Variants in WBP1L observed in about 807,000 individuals in gnomAD.
The protein encoded by WBP1L is WW domain binding protein 1-like.
In WBP1L, 17 loss-of-function variants were observed where a neutral mutation model predicts 33.7. That is an observed-to-expected ratio of 0.50 (90% CI 0.34 to 0.76). The LOEUF (loss-of-function observed/expected upper bound fraction) is 0.76, where lower values mean the gene tolerates loss of function less well. WBP1L is among the 30% of genes least tolerant of loss of function. The pLI, the probability that WBP1L is intolerant of heterozygous loss-of-function variation, is 0.01. For missense variants in WBP1L, 389 were observed against 469.4 expected (o/e 0.83, Z 1.58); for synonymous variants, 173 against 190.8 (o/e 0.91, Z 0.77).
intron 2 of WBP1L, among the ~76,000 whole-genome samples, chr10:102,801,547 A>C (rs1433944994): frequency 6.6e-6 from 1 of 152,064 alleles, no homozygotes; most frequent in Non-Finnish European, 1.5e-5. Flanking sequence ...CGGGGAGGGG[A>C]TAGGATGTGC....
intron 1 of WBP1L, among the ~76,000 whole-genome samples, chr10:102,751,258 T>G (rs980784239): frequency 1.3e-5 from 2 of 151,908 alleles, no homozygotes; most frequent in Admixed American, 6.6e-5. Flanking sequence ...CGACTTGGCC[T>G]CCCAAAGTGC....
intron 1 of WBP1L, among the ~76,000 whole-genome samples, chr10:102,790,883 A>G (rs765538741): frequency 1.3e-5 from 2 of 152,174 alleles, no homozygotes; most frequent in Admixed American, 6.5e-5. Flanking sequence ...TATTTCTGCC[A>G]GATGTTGCAG....
At position 102,809,816 on chromosome 10, in the gene WBP1L, A is replaced by G. The variant is rs542491667; in HGVS notation, c.194-77A>G. ...TCAACCACGTGGGCACCGTCCAGGGACCTCCCTGTTCCGCAAGCTGCCCCT... is the reference window on the plus strand; with the variant it reads ...TCAACCACGTGGGCACCGTCCAGGGGCCTCCCTGTTCCGCAAGCTGCCCCT... On this transcript the variant is annotated intron_variant, in intron 2 of 3. Transcript: ENST00000448841. 225 of 1,510,090 alleles carry G rather than the reference A, an allele frequency of 1.5e-4. 2 individuals carry two copies. The South Asian group carries it at 2.7e-3, about 18-fold the overall frequency. The allele number at this position is 1,510,090 out of a possible 1,614,324, so 93.5% of individuals were successfully genotyped here.
intron 1 of WBP1L, among the ~76,000 whole-genome samples, chr10:102,759,003 A>G (rs912928869): frequency 6.6e-6 from 1 of 152,192 alleles, no homozygotes; most frequent in African/African-American, 2.4e-5. Context: ...CGGGAGGAGC[A>G]TGAAAGTGGA....
intron 1 of WBP1L, among the ~76,000 whole-genome samples, chr10:102,773,759 C>T (rs937073861): frequency 2.0e-5 from 3 of 151,266 alleles, no homozygotes; most frequent in Admixed American, 1.3e-4. Context: ...AGTGTGGTGG[C>T]GTGGTGGCGT....
chr10:102,804,493 G>T (rs1194247302), intron 2 of WBP1L, among the ~76,000 whole-genome samples: 1 of 149,296 alleles, frequency 6.7e-6, no homozygotes, highest in Non-Finnish European at 1.5e-5. Flanking sequence ...AAAATCTGAT[G>T]AACACTTTAA....
intron 1 of WBP1L, among the ~76,000 whole-genome samples, chr10:102,780,585 G>T (rs1473005428): frequency 6.6e-6 from 1 of 152,240 alleles, no homozygotes; most frequent in Non-Finnish European, 1.5e-5. Context: ...CCCAAAGCAT[G>T]TTGTGGATAC....
At chr10:102,748,980 C>T (rs1014819032) in intron 1 of WBP1L, among the ~76,000 whole-genome samples, 1 of 152,192 alleles carries the variant, frequency 6.6e-6, no homozygotes, top group African/African-American at 2.4e-5. Context: ...GACATGTACT[C>T]TGTGGCAGAA....
intron 1 of WBP1L, 66 bp from the exon 2 acceptor site, chr10:102,797,927 A>C: frequency 7.2e-7 from 1 of 1,385,434 alleles, no homozygotes; most frequent in Non-Finnish European, 1.0e-6. Flanking sequence ...CAGGAGGACA[A>C]TGATGAGAAG....
At chr10:102,747,231 A>G (rs943344530) in intron 1 of WBP1L, among the ~76,000 whole-genome samples, 2 of 152,054 alleles carry the variant, frequency 1.3e-5, no homozygotes, top group Admixed American at 6.6e-5. Flanking sequence ...GCATGGTGGC[A>G]CACCTGTAGT....
At chr10:102,745,393 A>G (rs905098835) in intron 1 of WBP1L, among the ~76,000 whole-genome samples, 3 of 152,172 alleles carry the variant, frequency 2.0e-5, no homozygotes, top group African/African-American at 4.8e-5. Context: ...TACCACCTCT[A>G]TCTAGTTCCA....
At chr10:102,766,240 G>A (rs1213301964) in intron 1 of WBP1L, among the ~76,000 whole-genome samples, 3 of 151,930 alleles carry the variant, frequency 2.0e-5, no homozygotes, top group African/African-American at 7.3e-5. Flanking sequence ...TCGGGAGTTT[G>A]AGACCAGCCT....
rs569910472 is a variant in WBP1L, at chr10:102,789,412, C to T, written c.91-8581C>T. On this transcript the variant is annotated intron_variant, in intron 1 of 3. Coordinates refer to ENST00000448841, the MANE Select transcript of WBP1L (RefSeq NM_001083913.2). ...CTTGAGCACACCAAGCTTGTTTCTG[C>T]CCTGGTGTTTTTGCGTGGATTTGAT... is the stretch of plus-strand genomic sequence containing the variant. Among the ~76,000 whole-genome samples the T allele has an allele frequency of 3.3e-5, 5 of 152,292 alleles. No homozygotes were observed. The South Asian group carries it at 1.0e-3, about 32-fold the overall frequency.
intron 1 of WBP1L, among the ~76,000 whole-genome samples, chr10:102,779,094 G>A (rs1843302711): frequency 6.6e-6 from 1 of 151,904 alleles, no homozygotes; most frequent in Non-Finnish European, 1.5e-5. Flanking sequence ...TGAGAGTAGA[G>A]TATGATTAAT....
At chr10:102,809,011 CA>C (rs1843785076) in intron 2 of WBP1L, among the ~76,000 whole-genome samples, 1 of 152,216 alleles carries the variant, frequency 6.6e-6, no homozygotes. Context: ...GATGCCTTGG[CA>C]CTTGTGCCTT....
chr10:102,810,395 CTCTTTCTTTCTT>C (rs35080340), intron 3 of WBP1L, among the ~76,000 whole-genome samples: 2 of 125,946 alleles, frequency 1.6e-5, no homozygotes, highest in Non-Finnish European at 3.3e-5. Flanking sequence ...CCCTCTTTCT[CTCTTTCTTTCTT>C]TCTTTCTTTC....
At chr10:102,801,060 C>A (rs1225560671) in intron 2 of WBP1L, among the ~76,000 whole-genome samples, 3 of 148,768 alleles carry the variant, frequency 2.0e-5, no homozygotes, top group South Asian at 2.1e-4. Context: ...CACATACTTA[C>A]ACACACACAC....
chr10:102,777,437 C>T (rs889108582), intron 1 of WBP1L, among the ~76,000 whole-genome samples: 46 of 152,074 alleles, frequency 3.0e-4, no homozygotes, highest in Non-Finnish European at 1.3e-4. Flanking sequence ...AAGGAAGCTC[C>T]TCTGAAAAGC....
chr10:102,759,197 C>T (rs1032539810), intron 1 of WBP1L, among the ~76,000 whole-genome samples: 3 of 152,206 alleles, frequency 2.0e-5, no homozygotes, highest in Non-Finnish European at 1.5e-5. Context: ...CCTTCCCAGA[C>T]ACTGGCGTTA....
Sources: allele counts gnomAD v4.1 joint callset (sites outside exome capture counted in the v4.1 genomes callset), GRCh38; gene constraint gnomAD v4.1.1; transcripts MANE v1.5; gene names NCBI Gene and HGNC (gene_info 2026-07-23, HGNC 2026-07-21).